The following FUT9 variants were observed in gnomAD, a reference collection of about 807,000 sequenced individuals.
FUT9 encodes the protein fucosyltransferase 9, also known as 4-galactosyl-N-acetylglucosaminide 3-alpha-L-fucosyltransferase 9.
In FUT9, 15 loss-of-function variants were observed where a neutral mutation model predicts 29.7. That is an observed-to-expected ratio of 0.51 (90% confidence interval 0.34 to 0.78). FUT9 has a LOEUF of 0.78. FUT9 is among the 30% of genes least tolerant of loss of function. The probability of loss-of-function intolerance (pLI) is 0.01; values close to 1 mark genes in which losing one functional copy is unlikely to be tolerated. For missense variants in FUT9, 319 were observed against 425.4 expected (o/e 0.75, Z 2.20); for synonymous variants, 169 against 153.7 (o/e 1.10, Z -0.74).
At position 96,040,540 on chromosome 6, in the gene FUT9, T is replaced by C. The variant is rs911171733; in HGVS notation, c.-98+24328T>C. On this transcript the variant is annotated intron_variant, in intron 1 of 2. Transcript: ENST00000302103. Reference sequence around the variant, plus strand: ...AAAAAACACCTTTCACGACAGGCAATTGAGCCGGCATTTTATTTTGTCGGT... The same window carrying C: ...AAAAAACACCTTTCACGACAGGCAACTGAGCCGGCATTTTATTTTGTCGGT... Among the ~76,000 whole-genome samples the C allele has an allele frequency of 9.2e-5, 14 of 152,270 alleles. No individual in the cohort carries two copies. The South Asian group carries it at 2.7e-3, about 29-fold the overall frequency.
intron 1 of FUT9, among the ~76,000 whole-genome samples, chr6:96,062,333 ACT>A (rs1182589394): frequency 6.6e-6 from 1 of 151,330 alleles, no homozygotes; most frequent in African/African-American, 2.4e-5. Flanking sequence ...CTAAATCTTT[ACT>A]CTCTATAGCT....
intron 2 of FUT9, among the ~76,000 whole-genome samples, chr6:96,149,948 T>C (rs1772645135): frequency 6.6e-6 from 1 of 152,162 alleles, no homozygotes; most frequent in African/African-American, 2.4e-5. Flanking sequence ...TTTTACTCTA[T>C]CTAATTGTAT....
chr6:96,020,423 A>T (rs1312813869), intron 1 of FUT9, among the ~76,000 whole-genome samples: 1 of 152,084 alleles, frequency 6.6e-6, no homozygotes, highest in African/African-American at 2.4e-5. Context: ...TTATTTTTAA[A>T]TTTTTACCTC....
intron 2 of FUT9, among the ~76,000 whole-genome samples, chr6:96,159,392 T>C (rs1357685757): frequency 2.6e-5 from 4 of 152,048 alleles, no homozygotes; most frequent in Non-Finnish European, 5.9e-5. Context: ...ATCTTTTCTC[T>C]ATAACTTCCT....
chr6:96,175,514 T>C (rs943918915), intron 2 of FUT9, among the ~76,000 whole-genome samples: 1 of 152,232 alleles, frequency 6.6e-6, no homozygotes, highest in South Asian at 2.1e-4. Flanking sequence ...ACCTATTCGG[T>C]GGCTAGCTGT....
chr6:96,123,153 A>T (rs1772064219), intron 2 of FUT9, among the ~76,000 whole-genome samples: 2 of 151,148 alleles, frequency 1.3e-5, no homozygotes, highest in Admixed American at 1.3e-4. Context: ...CATAACAAAG[A>T]TTATGCATAG....
chr6:96,162,580 C>T (rs1772932829), intron 2 of FUT9, among the ~76,000 whole-genome samples: 1 of 152,140 alleles, frequency 6.6e-6, no homozygotes, highest in Non-Finnish European at 1.5e-5. Context: ...AGGAGTGTAT[C>T]AGTTGAAATG....
At chr6:96,158,185 A>T (rs1168447918) in intron 2 of FUT9, among the ~76,000 whole-genome samples, 2 of 152,092 alleles carry the variant, frequency 1.3e-5, no homozygotes, top group Admixed American at 6.6e-5. Context: ...AGATAAATAA[A>T]GGGACACACT....
intron 2 of FUT9, among the ~76,000 whole-genome samples, chr6:96,195,792 C>A (rs1773613889): frequency 1.3e-5 from 2 of 152,154 alleles, no homozygotes; most frequent in African/African-American, 2.4e-5. Flanking sequence ...ATAAGCCACC[C>A]AATTTAAATT....
At chr6:96,059,533 A>G (rs944821776) in intron 1 of FUT9, among the ~76,000 whole-genome samples, 4 of 152,208 alleles carry the variant, frequency 2.6e-5, no homozygotes, top group Non-Finnish European at 2.9e-5. Context: ...ACTGATATGT[A>G]TGGTGGAGTT....
intron 1 of FUT9, among the ~76,000 whole-genome samples, chr6:96,040,681 G>A (rs147202282): frequency 1.1e-3 from 169 of 152,114 alleles, no homozygotes; most frequent in African/African-American, 4.0e-3. Flanking sequence ...GTGGATAGAG[G>A]GGAATCTATG....
intron 1 of FUT9, among the ~76,000 whole-genome samples, chr6:96,053,652 T>C (rs765835502): frequency 1.3e-5 from 2 of 152,056 alleles, no homozygotes; most frequent in Non-Finnish European, 2.9e-5. Context: ...TAGTTTGCAG[T>C]GAGCCGAGAT....
intron 1 of FUT9, among the ~76,000 whole-genome samples, chr6:96,056,664 C>T (rs1056477713): frequency 3.9e-5 from 6 of 151,986 alleles, no homozygotes; most frequent in African/African-American, 7.3e-5. Context: ...GCAGGAGGAT[C>T]GCTTGAGCCC....
Position 96,164,226 on chromosome 6 carries a change from A to C in FUT9, c.-8-38922A>C, listed in dbSNP as rs1007295630. Among the ~76,000 whole-genome samples, 14 of 150,716 alleles carry C rather than the reference A, an allele frequency of 9.3e-5. 1 individual carries two copies. Among genetic ancestry groups the C allele is most frequent in the Admixed American group, 5.3e-4 (8 of 15,164 alleles). On this transcript the variant is annotated intron_variant, in intron 2 of 2. Coordinates refer to ENST00000302103, the MANE Select transcript of FUT9 (RefSeq NM_006581.4). ...TCAATAGAAGGGAGTTTCTGGGTTA[A>C]GATAAACAGTTTTGGAGATCCAGGT... is the stretch of plus-strand genomic sequence containing the variant.
At chr6:96,192,589 G>T (rs570179997) in intron 2 of FUT9, among the ~76,000 whole-genome samples, 1 of 152,172 alleles carries the variant, frequency 6.6e-6, no homozygotes, top group Non-Finnish European at 1.5e-5. Context: ...GATGCTCATG[G>T]ACAGGAAGAA....
chr6:96,117,460 A>T (rs2127963314), intron 2 of FUT9, among the ~76,000 whole-genome samples: 1 of 152,372 alleles, frequency 6.6e-6, no homozygotes, highest in Admixed American at 6.5e-5. Flanking sequence ...AAGCTCTAGA[A>T]GCAGTGATAC....
chr6:96,167,625 A>G (rs917908010), intron 2 of FUT9, among the ~76,000 whole-genome samples: 1 of 152,208 alleles, frequency 6.6e-6, no homozygotes, highest in Non-Finnish European at 1.5e-5. Context: ...CTATTTTAGT[A>G]GAAGCCACAT....
chr6:96,074,707 G>C (rs1052795053), intron 1 of FUT9, among the ~76,000 whole-genome samples: 3 of 152,114 alleles, frequency 2.0e-5, no homozygotes, highest in Non-Finnish European at 4.4e-5. Context: ...AAACTTTGCT[G>C]TTACAATCAA....
At chr6:96,088,561 TGTGTGTGC>T (rs1306274728) in intron 1 of FUT9, among the ~76,000 whole-genome samples, 3 of 131,028 alleles carry the variant, frequency 2.3e-5, no homozygotes, top group African/African-American at 8.1e-5. Flanking sequence ...TGTGTGTGTG[TGTGTGTGC>T]GTGCGCGCGC....
Sources: gnomAD v4.1 joint callset for allele counts (sites outside exome capture counted in the v4.1 genomes callset) on GRCh38, gnomAD v4.1.1 for gene constraint, MANE v1.5 for transcripts, NCBI Gene and HGNC (gene_info 2026-07-23, HGNC 2026-07-21) for gene names.